Variants in RERE observed in about 807,000 individuals in gnomAD.
RERE encodes arginine-glutamic acid dipeptide repeats, also known as arginine-glutamic acid dipeptide repeats protein.
RERE carries 40 observed loss-of-function variants against 146.1 expected under a neutral mutation model. The observed-to-expected ratio is 0.27, with a 90% confidence interval of 0.21 to 0.36. RERE has a LOEUF of 0.36. RERE is among the 10% of genes least tolerant of loss of function. The pLI, the probability that RERE is intolerant of heterozygous loss-of-function variation, is 1.00. For synonymous variants in RERE, 1,003 were observed against 866.0 expected (o/e 1.16, Z -2.78); for missense variants, 1,933 against 2,138.7 (o/e 0.90, Z 1.90).
chr1:8,556,956 G>A (rs764277380), intron 5 of RERE, among the ~76,000 whole-genome samples: 4 of 151,174 alleles, frequency 2.6e-5, no homozygotes, highest in Non-Finnish European at 4.4e-5. Flanking sequence ...AACTTACACA[G>A]TTTCCATTGA....
intron 7 of RERE, among the ~76,000 whole-genome samples, chr1:8,515,999 C>A (rs1645409199): frequency 6.6e-6 from 1 of 151,584 alleles, no homozygotes; most frequent in South Asian, 2.1e-4. Flanking sequence ...GGCAGGTTAC[C>A]CGAGGTCAGG....
chr1:8,482,326 A>G (rs1014963578), intron 10 of RERE, among the ~76,000 whole-genome samples: 2 of 152,190 alleles, frequency 1.3e-5, no homozygotes, highest in Non-Finnish European at 2.9e-5. Flanking sequence ...ACTTTAAATA[A>G]AGCTACATAT....
intron 4 of RERE, among the ~76,000 whole-genome samples, chr1:8,559,304 A>AAAAAC (rs754733974): frequency 7.7e-6 from 1 of 130,098 alleles, no homozygotes; most frequent in African/African-American, 2.9e-5. Context: ...AAAAAAAAAA[A>AAAAAC]CAGAACAAAA....
chr1:8,611,700 G>A (rs1646795505), intron 4 of RERE, among the ~76,000 whole-genome samples: 1 of 152,188 alleles, frequency 6.6e-6, no homozygotes, highest in African/African-American at 2.4e-5. Context: ...GAGGATGGGT[G>A]CAGCCAACAT....
rs2124376061 is a variant in RERE, at chr1:8,364,596, C to T, written c.1540+150G>A. The T allele has an allele frequency of 3.0e-6, 2 of 668,476 alleles. No homozygotes were observed. The highest frequency in any genetic ancestry group is 2.2e-5 in the Admixed American group (1 of 45,682). 41.4% of individuals were successfully genotyped at this position (668,476 alleles called of 1,614,324 possible). ...AAGCAGAGGAGTAAAGTAAACTAAA[C>T]ATTTCTAACTTTCTCGAATCCCGAA... On this transcript the variant is annotated intron_variant, in intron 14 of 22. Transcript: ENST00000400908. This position sits in a 1 kb window ranked among gnomAD's most constrained non-coding sequence, Gnocchi z 5.1.
intron 1 of RERE, among the ~76,000 whole-genome samples, chr1:8,800,078 T>C (rs937039489): frequency 2.0e-5 from 3 of 152,072 alleles, no homozygotes; most frequent in Non-Finnish European, 4.4e-5. Flanking sequence ...CCTCCCAAAG[T>C]GCTGAGATTA....
intron 1 of RERE, among the ~76,000 whole-genome samples, chr1:8,701,472 A>G (rs371164348): frequency 6.6e-6 from 1 of 152,230 alleles, no homozygotes; most frequent in East Asian, 1.9e-4. Context: ...TCATAAATGC[A>G]AAAACCACAA....
intron 12 of RERE, among the ~76,000 whole-genome samples, chr1:8,399,209 C>CT (rs1557610458): frequency 2.6e-5 from 4 of 151,700 alleles, no homozygotes. Context: ...AAAACACAGA[C>CT]TTTTTAAGTC....
chr1:8,667,497 G>A (rs1406548197), intron 1 of RERE, among the ~76,000 whole-genome samples: 7 of 152,296 alleles, frequency 4.6e-5, no homozygotes, highest in South Asian at 2.1e-4. Flanking sequence ...CCCACATGGC[G>A]AAATCCCATC....
chr1:8,670,731 AGGGACATG>A lies in RERE; in HGVS notation c.-144-14298_-144-14291del, dbSNP rs201370554. Among the ~76,000 whole-genome samples, 767 of 152,330 alleles carry A rather than the reference AGGGACATG, an allele frequency of 5.0e-3. 8 individuals carry two copies. The highest frequency in any genetic ancestry group is 0.017 in the African/African-American group (717 of 41,576). Reference sequence around the variant, plus strand: ...GCCTGGCATGTCCAGGCAACAGCAAAGGGACATGGTGGCTGAAGCAGTGAGCGCAAGAA... The same window carrying A: ...GCCTGGCATGTCCAGGCAACAGCAAAGTGGCTGAAGCAGTGAGCGCAAGAA... On this transcript the variant is annotated intron_variant, in intron 1 of 22. Transcript: ENST00000400908.
chr1:8,413,350 G>T (rs920255424), intron 12 of RERE, among the ~76,000 whole-genome samples: 13 of 152,132 alleles, frequency 8.5e-5, no homozygotes, highest in South Asian at 4.2e-4. Flanking sequence ...TTTGTTTTTT[G>T]TTGTTGTTGT....
chr1:8,406,484 G>T (rs1038130009), intron 12 of RERE, among the ~76,000 whole-genome samples: 2 of 152,044 alleles, frequency 1.3e-5, no homozygotes, highest in Non-Finnish European at 2.9e-5. Flanking sequence ...TGGTTCATGT[G>T]GGGGGAAAAC....
chr1:8,455,236 TTTATTA>T (rs1452004623), intron 11 of RERE, among the ~76,000 whole-genome samples: 3 of 152,036 alleles, frequency 2.0e-5, no homozygotes, highest in South Asian at 4.2e-4. Context: ...GATTCCTTTT[TTTATTA>T]TTATTTTTTA....
At chr1:8,810,503 G>A (rs1429973321) in intron 1 of RERE, among the ~76,000 whole-genome samples, 1 of 152,166 alleles carries the variant, frequency 6.6e-6, no homozygotes, top group African/African-American at 2.4e-5. Flanking sequence ...CTACTCAGGT[G>A]GCTGAGGCAG....
At chr1:8,638,526 C>A (rs560224401) in intron 2 of RERE, among the ~76,000 whole-genome samples, 1 of 152,256 alleles carries the variant, frequency 6.6e-6, no homozygotes, top group South Asian at 2.1e-4. Context: ...TACAAAGCAG[C>A]CAGAACAGTT....
At chr1:8,798,693 T>C (rs931285511) in intron 1 of RERE, 17 of 164,100 alleles carry the variant, frequency 1.0e-4, no homozygotes, top group Admixed American at 4.9e-4. Flanking sequence ...TCAAGTCTTT[T>C]TTTTCTTTTT....
intron 12 of RERE, among the ~76,000 whole-genome samples, chr1:8,407,415 A>G (rs1217011554): frequency 6.6e-6 from 1 of 152,224 alleles, no homozygotes. Flanking sequence ...ATACATTTAT[A>G]CTTTATAAGG....
intron 10 of RERE, among the ~76,000 whole-genome samples, chr1:8,466,827 C>T (rs1263263734): frequency 6.6e-6 from 1 of 152,156 alleles, no homozygotes; most frequent in Non-Finnish European, 1.5e-5. Context: ...GTGTCTGGCA[C>T]CATGGACACC....
chr1:8,367,358 C>T (rs1377554945), intron 12 of RERE, among the ~76,000 whole-genome samples: 4 of 152,142 alleles, frequency 2.6e-5, no homozygotes, highest in Non-Finnish European at 5.9e-5. Context: ...ACTTGACTGC[C>T]CACAGCTGCA....
Sources: gnomAD v4.1 joint callset for allele counts (sites outside exome capture counted in the v4.1 genomes callset) on GRCh38, gnomAD v4.1.1 for gene constraint, Gnocchi (gnomAD v3.1) non-coding constraint, MANE v1.5 for transcripts, NCBI Gene and HGNC (gene_info 2026-07-23, HGNC 2026-07-21) for gene names.